The following ZNF195 variants were observed in gnomAD, a reference collection of about 807,000 sequenced individuals.
The protein encoded by ZNF195 is zinc finger protein 195.
A neutral mutation model predicts 19.5 loss-of-function variants in ZNF195; 11 were observed. That is an observed-to-expected ratio of 0.57 (90% CI 0.36 to 0.94). The LOEUF (loss-of-function observed/expected upper bound fraction) is 0.94. Ranked by LOEUF, ZNF195 falls within the 40% of genes least tolerant of loss-of-function variation. ZNF195 has a pLI of 0.01. For missense variants in ZNF195, 582 were observed against 709.0 expected, an observed-to-expected ratio of 0.82 and a Z score of 2.03; for synonymous variants, 214 against 248.1, an observed-to-expected ratio of 0.86 and a Z score of 1.29.
Position 3,359,901 on chromosome 11 carries a change from A to C in ZNF195, c.1107T>G (p.Leu369=). 6.2e-7 allele frequency: 1 copy of C among 1,614,206 alleles called. No individual in the cohort carries two copies. Among genetic ancestry groups the C allele is most frequent in the Non-Finnish European group, 8.5e-7 (1 of 1,180,032 alleles). ...CSSVFISCSS[L]SNQQMILAGE... is the part of the protein sequence containing the mutation. ...CAGCAAGAATCATCTGTTGATTAGA[A>C]AGGCTTGAGCAAGAGATAAAGACAC... Residue 369 remains leucine, a synonymous_variant, in exon 6 of 6, where the codon CTT becomes CTG. Coordinates refer to ENST00000399602, the MANE Select transcript of ZNF195 (RefSeq NM_001130520.3). The surrounding 1 kb of genome is among the most constrained non-coding windows in gnomAD (Gnocchi z 5.5).
chr11:3,361,915 T>G (rs1040622501), intron 3 of ZNF195, 26 bp from the exon 4 acceptor site: 2 of 410,962 alleles, frequency 4.9e-6, no homozygotes, highest in African/African-American at 4.2e-5. Flanking sequence ...AAAAATTAGC[T>G]GTGTATGCTG....
chr11:3,359,712 G>A lies in ZNF195; in HGVS notation c.1296C>T (p.His432=), dbSNP rs1564911355. The part of the protein sequence containing the change: ...FSDLTKHKRI[H]TGEKPYKCDE... ...CACATTTGTATGGTTTCTCACCAGTGTGAATTCTCTTATGTTTAGTAAGGT... is the reference window on the plus strand; with the variant it reads ...CACATTTGTATGGTTTCTCACCAGTATGAATTCTCTTATGTTTAGTAAGGT... Residue 432 remains histidine, a synonymous_variant, in exon 6 of 6, where the codon CAC becomes CAT. Transcript: ENST00000399602. This position sits in a 1 kb window ranked among gnomAD's most constrained non-coding sequence, Gnocchi z 5.5. The A allele has an allele frequency of 6.2e-7, 1 of 1,614,112 alleles. No individual in the cohort carries two copies.
chr11:3,371,722 CAAT>C lies in ZNF195; in HGVS notation c.4-22_4-20del. On this transcript the variant is annotated intron_variant, in intron 1 of 5. Coordinates refer to ENST00000399602, the MANE Select transcript of ZNF195 (RefSeq NM_001130520.3). ...ACAGAGTCTGAAGAAGAAACAACAA[CAAT>C]AACAAATACTTGATTCGAGGTGAAA... 13 of 1,580,814 alleles carry C rather than the reference CAAT, an allele frequency of 8.2e-6. No homozygotes were observed. The highest frequency in any genetic ancestry group is 1.1e-5 in the Non-Finnish European group (13 of 1,162,788).
At chr11:3,373,569 G>T (rs1180469527) in intron 1 of ZNF195, 3 of 1,548,096 alleles carry the variant, frequency 1.9e-6, no homozygotes, top group Non-Finnish European at 1.7e-6. Flanking sequence ...GACCTGAGAT[G>T]CATTTACCTG....
chr11:3,367,508 T>C (rs1359186904), intron 3 of ZNF195, among the ~76,000 whole-genome samples: 4 of 152,070 alleles, frequency 2.6e-5, no homozygotes, highest in African/African-American at 9.7e-5. Flanking sequence ...ACAATCATTA[T>C]GAAAAGACTC....
Position 3,358,413 on chromosome 11 carries a change from A to G in ZNF195, c.*705T>C, listed in dbSNP as rs891769270. 3.9e-5 allele frequency: 6 copies of G among 152,216 alleles called. No individual in the cohort carries two copies. The highest frequency in any genetic ancestry group is 5.9e-5 in the Non-Finnish European group (4 of 68,044). 9.4% of individuals were successfully genotyped at this position (152,216 alleles called of 1,614,324 possible). A position where few individuals can be genotyped will look rare whatever the true frequency, so the allele number is the denominator to read the frequency against. On this transcript the variant is annotated 3_prime_UTR_variant, in exon 6 of 6. Coordinates refer to ENST00000399602, the MANE Select transcript of ZNF195 (RefSeq NM_001130520.3). ...CTCTCTACCAAGATTTTACTCACGCATCTTACATTTCAGTGTCTTTCACCT... is the reference window on the plus strand; with the variant it reads ...CTCTCTACCAAGATTTTACTCACGCGTCTTACATTTCAGTGTCTTTCACCT...
At chr11:3,371,551 G>C in intron 2 of ZNF195, 26 bp downstream of exon 2, 1 of 1,613,848 alleles carries the variant, frequency 6.2e-7, no homozygotes. Context: ...GGCATAGGAG[G>C]AACTACGTAT....
intron 1 of ZNF195, among the ~76,000 whole-genome samples, chr11:3,374,365 C>G (rs953939363): frequency 2.6e-5 from 4 of 152,200 alleles, no homozygotes; most frequent in Admixed American, 6.5e-5. Flanking sequence ...AGCACAGTCC[C>G]TTACACCCAA....
At chr11:3,373,544 G>T in intron 1 of ZNF195, 1 of 1,501,666 alleles carries the variant, frequency 6.7e-7, no homozygotes, top group Non-Finnish European at 9.1e-7. Context: ...AGGAGCAAAA[G>T]TGGACACAAC....
chr11:3,371,466 G>A (rs1243902479), intron 2 of ZNF195, 111 bp downstream of exon 2: 2 of 1,379,698 alleles, frequency 1.4e-6, no homozygotes, highest in African/African-American at 2.9e-5. Context: ...CTTAAAAGCA[G>A]GGATCTGAAA....
At chr11:3,374,131 G>A (rs1050844445) in intron 1 of ZNF195, among the ~76,000 whole-genome samples, 2 of 152,196 alleles carry the variant, frequency 1.3e-5, no homozygotes, top group Non-Finnish European at 2.9e-5. Context: ...TTGTCCATGT[G>A]ATTTAATTAG....
At chr11:3,366,430 A>C (rs1345400151) in intron 3 of ZNF195, among the ~76,000 whole-genome samples, 1 of 152,102 alleles carries the variant, frequency 6.6e-6, no homozygotes, top group Non-Finnish European at 1.5e-5. Flanking sequence ...ATGGGTAAAA[A>C]TCACACATTT....
At chr11:3,370,549 C>T (rs1042508682) in intron 3 of ZNF195, among the ~76,000 whole-genome samples, 5 of 152,182 alleles carry the variant, frequency 3.3e-5, no homozygotes, top group South Asian at 2.1e-4. Context: ...CATCTGTTTA[C>T]GGGACTTCTG....
rs1848512987 is a variant in ZNF195, at chr11:3,359,278, G to A, written c.1730C>T (p.Pro577Leu). ...TTTTCCACATTCGTCACATTTGTAG[G>A]GTTTCTCTCCAGTATGGGTTTTCTT... ...KHKKTHTGEK[P>L]YKCDECGKNF... Residue 577 changes from proline (P) to leucine (L), a missense_variant, in exon 6 of 6, where the codon CCC becomes CTC. By Grantham distance (98) the Pro-to-Leu change is moderately conservative (BLOSUM62 -3). This residue lies in a region of ZNF195 where 407 missense variants were observed against 530.5 expected (regional missense o/e 0.77). Transcript: ENST00000399602. This position sits in a 1 kb window ranked among gnomAD's most constrained non-coding sequence, Gnocchi z 5.5. The A allele has an allele frequency of 6.2e-7, 1 of 1,612,664 alleles. No individual in the cohort carries two copies. The highest frequency in any genetic ancestry group is 8.5e-7 in the Non-Finnish European group (1 of 1,179,646).
In ZNF195 at chr11:3,358,480, G is replaced by T. The variant is rs1187573420; in HGVS notation, c.*638C>A. The T allele has an allele frequency of 6.6e-6, 1 of 152,148 alleles. No individual in the cohort carries two copies. Among genetic ancestry groups the T allele is most frequent in the Non-Finnish European group, 1.5e-5 (1 of 68,028 alleles). The allele number at this position is 152,148 out of a possible 1,614,324, so 9.4% of individuals were successfully genotyped here. On this transcript the variant is annotated 3_prime_UTR_variant, in exon 6 of 6. Transcript: ENST00000399602. Reference sequence around the variant, plus strand: ...TCAGTGATGCACACCTAAGAGAAAAGAATTTCTCATATCTCTGACGCAGCA... The same window carrying T: ...TCAGTGATGCACACCTAAGAGAAAATAATTTCTCATATCTCTGACGCAGCA...
Position 3,360,267 on chromosome 11 carries a change from T to C in ZNF195, c.741A>G (p.Gln247=). The part of the protein sequence containing the change: ...SNTGEKPFKC[Q]ECGKSFQMLS... ...GCATTTGAAAGGATTTGCCACATTCTTGACATTTGAAAGGTTTCTCTCCAG... is the reference window on the plus strand; with the variant it reads ...GCATTTGAAAGGATTTGCCACATTCCTGACATTTGAAAGGTTTCTCTCCAG... Residue 247 remains glutamine, a synonymous_variant, in exon 6 of 6, where the codon CAA becomes CAG. Transcript: ENST00000399602. 6.2e-7 allele frequency: 1 copy of C among 1,613,548 alleles called. No homozygotes were observed. The highest frequency in any genetic ancestry group is 1.7e-5 in the Admixed American group (1 of 60,014).
intron 1 of ZNF195, among the ~76,000 whole-genome samples, chr11:3,378,836 G>C (rs547216458): frequency 1.5e-4 from 23 of 152,334 alleles, no homozygotes; most frequent in African/African-American, 4.6e-4. Context: ...CTGCCGGGGG[G>C]ACATGGCTCT....
In ZNF195 at chr11:3,359,904, G is replaced by T. The variant is rs373253796; in HGVS notation, c.1104C>A (p.Ser368Arg). 9.9e-6 allele frequency: 16 copies of T among 1,614,202 alleles called. No homozygotes were observed. The East Asian group carries it at 1.1e-4, about 11-fold the overall frequency. Residue 368 changes from serine to arginine, a missense_variant, in exon 6 of 6, where the codon AGC (serine) becomes AGA (arginine). By Grantham distance (110) the Ser-to-Arg change is moderately radical. This residue lies in a region of ZNF195 where 407 missense variants were observed against 530.5 expected (regional missense o/e 0.77). Transcript: ENST00000399602. This position sits in a 1 kb window ranked among gnomAD's most constrained non-coding sequence, Gnocchi z 5.5. ...ECSSVFISCS[S>R]LSNQQMILAG... ...CAAGAATCATCTGTTGATTAGAAAG[G>T]CTTGAGCAAGAGATAAAGACACTGC...
At position 3,358,968 on chromosome 11, in the gene ZNF195, C is replaced by T; in HGVS notation, c.*150G>A. 9.7e-7 allele frequency: 1 copy of T among 1,035,912 alleles called. No homozygotes were observed. Among genetic ancestry groups the T allele is most frequent in the Non-Finnish European group, 1.3e-6 (1 of 790,190 alleles). The allele number at this position is 1,035,912 out of a possible 1,614,324, so 64.2% of individuals were successfully genotyped here. ...TAACATTTTTTTCAGAAGAAATACT[C>T]TTGTGTGCTCTGGAGACTTATATTT... On this transcript the variant is annotated 3_prime_UTR_variant, in exon 6 of 6. Transcript: ENST00000399602.
Sources: allele counts gnomAD v4.1 joint callset (sites outside exome capture counted in the v4.1 genomes callset), GRCh38; gene constraint gnomAD v4.1.1; regional missense constraint gnomAD v4.1.1; non-coding constraint Gnocchi (gnomAD v3.1); transcripts MANE v1.5; gene names NCBI Gene and HGNC (gene_info 2026-07-23, HGNC 2026-07-21).